JADE1: variants seen among roughly 807,000 people sequenced by gnomAD.
JADE1 encodes the protein jade family PHD finger 1.
Under a neutral mutation model 81.8 loss-of-function variants are expected in JADE1, and 14 were observed. The ratio of observed to expected loss-of-function variants is 0.17; its 90% CI spans 0.11 to 0.27. The LOEUF (loss-of-function observed/expected upper bound fraction) is 0.27, where lower values mean the gene tolerates loss of function less well. Among genes scored for constraint, JADE1 ranks in the 10% least tolerant of loss-of-function variants. JADE1 has a pLI of 1.00. For missense variants in JADE1, 690 were observed against 1,047.9 expected, an observed-to-expected ratio of 0.66 and a Z score of 4.71; for synonymous variants, 353 against 391.9, an observed-to-expected ratio of 0.90 and a Z score of 1.17.
rs1041833035 is a variant in JADE1 at position 128,809,737 on chromosome 4, C to G, written c.-167C>G. ...CCAAACGCCAGACCGAGAGTGCCTCCGTGCGCGAGTGCCCGGTGTGTGCGC... is the reference window on the plus strand; with the variant it reads ...CCAAACGCCAGACCGAGAGTGCCTCGGTGCGCGAGTGCCCGGTGTGTGCGC... On this transcript the variant is annotated 5_prime_UTR_variant, in exon 1 of 11. Coordinates refer to ENST00000226319, the MANE Select transcript of JADE1 (RefSeq NM_199320.4). The G allele has an allele frequency of 2.0e-5, 3 of 152,204 alleles. No individual in the cohort carries two copies. In the South Asian group the frequency reaches 6.2e-4, roughly 31 times the overall value. 9.4% of individuals were successfully genotyped at this position (152,204 alleles called of 1,614,324 possible).
At chr4:128,813,024 C>G (rs1726621903) in intron 1 of JADE1, among the ~76,000 whole-genome samples, 1 of 152,224 alleles carries the variant, frequency 6.6e-6, no homozygotes, top group Non-Finnish European at 1.5e-5. Context: ...AAGGCTAGCT[C>G]TCTTGCTACT....
At chr4:128,868,595 A>G (rs1256590943) in intron 10 of JADE1, among the ~76,000 whole-genome samples, 1 of 152,216 alleles carries the variant, frequency 6.6e-6, no homozygotes, top group Non-Finnish European at 1.5e-5. Flanking sequence ...TCTACTCTGG[A>G]CAACACATCA....
intron 1 of JADE1, among the ~76,000 whole-genome samples, chr4:128,814,571 T>C (rs1041694506): frequency 4.6e-5 from 7 of 151,134 alleles, no homozygotes; most frequent in African/African-American, 1.2e-4. Context: ...TTTTTTCTTT[T>C]TTTTTTTTTT....
chr4:128,842,909 C>A, intron 2 of JADE1, 44 bp from the exon 3 acceptor site: 1 of 1,551,892 alleles, frequency 6.4e-7, no homozygotes, highest in South Asian at 1.1e-5. Flanking sequence ...CTCAGTGACC[C>A]CTGCAATTTC....
At chr4:128,861,139 G>A (rs1208771885) in intron 8 of JADE1, among the ~76,000 whole-genome samples, 1 of 152,150 alleles carries the variant, frequency 6.6e-6, no homozygotes, top group Non-Finnish European at 1.5e-5. Context: ...TCTTATTCAG[G>A]TTTGCACCAA....
Position 128,846,849 on chromosome 4 carries a change from T to C in JADE1, c.296+317T>C, listed in dbSNP as rs1729913199. Among the ~76,000 whole-genome samples the C allele has an allele frequency of 6.6e-6, 1 of 152,116 alleles. No individual in the cohort carries two copies. Among genetic ancestry groups the C allele is most frequent in the South Asian group, 2.1e-4 (1 of 4,830 alleles). Reference sequence around the variant, plus strand: ...GGGCTAGGGGAGGAAAATTTGGGTGTTCACACGTCTGCATCCTCTTTTCCT... The same window carrying C: ...GGGCTAGGGGAGGAAAATTTGGGTGCTCACACGTCTGCATCCTCTTTTCCT... On this transcript the variant is annotated intron_variant, in intron 4 of 10. Transcript: ENST00000226319. The surrounding 1 kb of genome is among the most constrained non-coding windows in gnomAD (Gnocchi z 4.0).
intron 9 of JADE1, chr4:128,864,414 G>A (rs1247157405): frequency 7.1e-6 from 7 of 982,060 alleles, no homozygotes; most frequent in Admixed American, 6.2e-5. Flanking sequence ...CCAGAGTGTT[G>A]GGATTACGCC....
chr4:128,842,316 T>C (rs1244208513), intron 2 of JADE1, among the ~76,000 whole-genome samples: 1 of 151,982 alleles, frequency 6.6e-6, no homozygotes, highest in Non-Finnish European at 1.5e-5. Context: ...CTTTTTTTTT[T>C]TTTGACAGAG....
chr4:128,830,607 G>C (rs543352882), intron 1 of JADE1, among the ~76,000 whole-genome samples: 2 of 152,288 alleles, frequency 1.3e-5, no homozygotes, highest in Admixed American at 6.5e-5. Flanking sequence ...GTACTTTTCT[G>C]AGAGGGTGGA....
chr4:128,816,984 G>C (rs1294427689), intron 1 of JADE1, among the ~76,000 whole-genome samples: 1 of 151,742 alleles, frequency 6.6e-6, no homozygotes, highest in Non-Finnish European at 1.5e-5. Flanking sequence ...TCAGCCTCCG[G>C]AGTAGCTGGG....
intron 9 of JADE1, chr4:128,863,304 CT>C (rs2125893217): frequency 1.0e-6 from 1 of 985,552 alleles, no homozygotes; most frequent in Non-Finnish European, 1.2e-6. Flanking sequence ...ATCAACTCCC[CT>C]GGCTGCTGGC....
chr4:128,828,231 C>A (rs1023957001), intron 1 of JADE1, among the ~76,000 whole-genome samples: 5 of 152,114 alleles, frequency 3.3e-5, no homozygotes, highest in Non-Finnish European at 7.3e-5. Flanking sequence ...TTGTGAGTAG[C>A]CATTTTAATT....
chr4:128,865,682 A>G (rs1489968442), intron 9 of JADE1, among the ~76,000 whole-genome samples: 1 of 152,184 alleles, frequency 6.6e-6, no homozygotes, highest in Non-Finnish European at 1.5e-5. Context: ...ATTGAAAACC[A>G]TGCCCTTTGC....
In JADE1 at chr4:128,873,539, T is replaced by C. The variant is rs1732364630; in HGVS notation, c.*1277T>C. 1 of 152,596 alleles carries C rather than the reference T, an allele frequency of 6.6e-6. No individual in the cohort carries two copies. The highest frequency in any genetic ancestry group is 1.5e-5 in the Non-Finnish European group (1 of 68,030). The allele number at this position is 152,596 out of a possible 1,614,324, so 9.5% of individuals were successfully genotyped here. A position where few individuals can be genotyped will look rare whatever the true frequency, so the allele number is the denominator to read the frequency against. On this transcript the variant is annotated 3_prime_UTR_variant, in exon 11 of 11. Coordinates refer to ENST00000226319, the MANE Select transcript of JADE1 (RefSeq NM_199320.4). ...AATTTAGCATTAAATTTGAGTACAA[T>C]GTTTTGTTTTTGCACTCCCCATAGT...
intron 1 of JADE1, among the ~76,000 whole-genome samples, chr4:128,818,022 G>A (rs142380091): frequency 6.6e-6 from 1 of 152,124 alleles, no homozygotes; most frequent in African/African-American, 2.4e-5. Context: ...GGAGCCTCAG[G>A]GGTTTTCTTT....
intron 9 of JADE1, chr4:128,862,984 C>G: frequency 1.0e-6 from 1 of 985,746 alleles, no homozygotes; most frequent in Non-Finnish European, 1.2e-6. Flanking sequence ...TCCTGGTGGA[C>G]AGGGGTGTCA....
chr4:128,818,313 G>T (rs939692357), intron 1 of JADE1, among the ~76,000 whole-genome samples: 1 of 151,900 alleles, frequency 6.6e-6, no homozygotes, highest in African/African-American at 2.4e-5. Context: ...TAGAGACGAG[G>T]TTTCACCATG....
chr4:128,847,699 C>T (rs890462446), intron 4 of JADE1, among the ~76,000 whole-genome samples: 1 of 152,182 alleles, frequency 6.6e-6, no homozygotes, highest in African/African-American at 2.4e-5. Flanking sequence ...GGAAGTTTTA[C>T]AAGCTGTATT....
At chr4:128,837,177 T>A (rs72683611) in intron 2 of JADE1, among the ~76,000 whole-genome samples, 2 of 152,338 alleles carry the variant, frequency 1.3e-5, no homozygotes, top group Non-Finnish European at 2.9e-5. Context: ...TTTCTGCACC[T>A]GAGCTAGGGT....
Sources: gnomAD v4.1 joint callset for allele counts (sites outside exome capture counted in the v4.1 genomes callset) on GRCh38, gnomAD v4.1.1 for gene constraint, Gnocchi (gnomAD v3.1) non-coding constraint, MANE v1.5 for transcripts, NCBI Gene and HGNC (gene_info 2026-07-23, HGNC 2026-07-21) for gene names.